The following ARFGAP2 variants were observed in gnomAD, a reference collection of about 807,000 sequenced individuals.
ARFGAP2 encodes the protein ARF GTPase activating protein 2, also known as ADP-ribosylation factor GTPase-activating protein 2.
Under a neutral mutation model 71.9 loss-of-function variants are expected in ARFGAP2, and 45 were observed. That is an observed-to-expected ratio of 0.63 (90% CI 0.49 to 0.80). The LOEUF (loss-of-function observed/expected upper bound fraction) is 0.80. Among genes scored for constraint, ARFGAP2 ranks in the 30% least tolerant of loss-of-function variants. The pLI, the probability that ARFGAP2 is intolerant of heterozygous loss-of-function variation, is 0.00. For missense variants in ARFGAP2, 633 were observed against 673.9 expected (o/e 0.94, Z 0.67); for synonymous variants, 248 against 249.2 (o/e 1.00, Z 0.05).
Position 47,175,018 on chromosome 11 carries a change from A to G in ARFGAP2, c.477T>C (p.Thr159=), listed in dbSNP as rs142873477. The change falls in exon 5 of 16, where the codon ACT becomes ACC. Residue 159 remains threonine (T), a synonymous_variant. Transcript: ENST00000524782. The part of the protein sequence containing the change: ...KKDSDFFTEH[T]QPPAWDAPAT... Reference sequence around the variant, plus strand: ...ACGGTTCCTTGTGGGCACTCACTTGAGTGTGTTCTGTGAAGAAATCAGAGT... The same window carrying G: ...ACGGTTCCTTGTGGGCACTCACTTGGGTGTGTTCTGTGAAGAAATCAGAGT... 2 of 1,614,006 alleles carry G rather than the reference A, an allele frequency of 1.2e-6. No individual in the cohort carries two copies. The highest frequency in any genetic ancestry group is 2.7e-5 in the African/African-American group (2 of 74,892).
At chr11:47,165,836 C>T (rs1952347270) in intron 15 of ARFGAP2, among the ~76,000 whole-genome samples, 2 of 151,988 alleles carry the variant, frequency 1.3e-5, no homozygotes, top group South Asian at 4.1e-4. Context: ...AGCTGCCCTC[C>T]AAGAAAATGC....
chr11:47,172,687 C>A, intron 7 of ARFGAP2: 2 of 1,310,592 alleles, frequency 1.5e-6, no homozygotes, highest in Non-Finnish European at 2.0e-6. Context: ...AGGGGCTGGG[C>A]TCCCCAAGCA....
chr11:47,171,401 T>C, intron 10 of ARFGAP2, 25 bp downstream of exon 10: 2 of 1,612,584 alleles, frequency 1.2e-6, no homozygotes, highest in Non-Finnish European at 1.7e-6. Flanking sequence ...GGCATTTCCC[T>C]GCCACACCCG....
At position 47,171,727 on chromosome 11, in the gene ARFGAP2, T is replaced by C; in HGVS notation, c.746A>G (p.Gln249Arg). 1.2e-6 allele frequency: 2 copies of C among 1,613,976 alleles called. No individual in the cohort carries two copies. The highest frequency in any genetic ancestry group is 1.7e-6 in the Non-Finnish European group (2 of 1,180,050). Residue 249 changes from glutamine (Q) to arginine (R), a missense_variant, in exon 9 of 16, where the codon CAG becomes CGG. Coordinates refer to ENST00000524782, the MANE Select transcript of ARFGAP2 (RefSeq NM_032389.6). ...QSFSEIERQAQVAEKLREQQA... is the reference protein window; with the variant it reads ...QSFSEIERQARVAEKLREQQA... ...CTGCTCACGGAGCTTCTCTGCCACC[T>C]GAGCCTGCCGCTCAATCTCACTGAA... is the stretch of plus-strand genomic sequence containing the variant.
chr11:47,167,546 C>T (rs1952431598), intron 12 of ARFGAP2, among the ~76,000 whole-genome samples: 1 of 152,162 alleles, frequency 6.6e-6, no homozygotes, highest in Non-Finnish European at 1.5e-5. Context: ...CTGAAGCATA[C>T]AATCAGGCTC....
At chr11:47,175,817 G>GA in intron 3 of ARFGAP2, 34 bp downstream of exon 3, 1 of 1,613,330 alleles carries the variant, frequency 6.2e-7, no homozygotes, top group Non-Finnish European at 8.5e-7. Flanking sequence ...CCAGGCAGAA[G>GA]AATGGAAGGT....
chr11:47,167,903 C>T lies in ARFGAP2; in HGVS notation c.1205+6G>A. On this transcript the variant is annotated splice_donor_region_variant and intron_variant, in intron 12 of 15. Coordinates refer to ENST00000524782, the MANE Select transcript of ARFGAP2 (RefSeq NM_032389.6). ...GAAAGAAAAAAGAAAAAACAGCCCA[C>T]TCTACCTTTCTGAAATAGGCCGGAT... is the stretch of plus-strand genomic sequence containing the variant. 1.3e-6 allele frequency: 2 copies of T among 1,595,942 alleles called. No homozygotes were observed. Among genetic ancestry groups the T allele is most frequent in the Non-Finnish European group, 1.7e-6 (2 of 1,171,886 alleles).
At chr11:47,175,407 T>G (rs1164439413) in intron 3 of ARFGAP2, 94 bp from the exon 4 acceptor site, 9 of 1,569,930 alleles carry the variant, frequency 5.7e-6, no homozygotes, top group Admixed American at 1.7e-5. Context: ...GACAGCGAAG[T>G]TATTATCTAT....
At chr11:47,174,641 C>A (rs373211038) in intron 5 of ARFGAP2, 1 of 201,176 alleles carries the variant, frequency 5.0e-6, no homozygotes, top group Middle Eastern at 2.3e-3. Context: ...ATGATCCACC[C>A]GCCTCGGCCT....
chr11:47,172,746 C>G, intron 7 of ARFGAP2: 2 of 1,293,934 alleles, frequency 1.5e-6, no homozygotes, highest in South Asian at 2.5e-5. Flanking sequence ...GACAGATACA[C>G]GGACTCTGGA....
intron 10 of ARFGAP2, 109 bp from the exon 11 acceptor site, chr11:47,168,360 A>C (rs191379480): frequency 7.4e-6 from 11 of 1,478,838 alleles, no homozygotes; most frequent in Admixed American, 1.9e-5. Flanking sequence ...CGTCACCCAG[A>C]GCCTTCTGTC....
chr11:47,172,086 G>A (rs1952623121), intron 8 of ARFGAP2, 195 bp downstream of exon 8: 11 of 733,212 alleles, frequency 1.5e-5, no homozygotes, highest in Non-Finnish European at 2.1e-5. Context: ...CCATCTCACC[G>A]ACTCCTCCCA....
Position 47,175,224 on chromosome 11 carries a change from G to C in ARFGAP2, c.354C>G (p.Ile118Met), listed in dbSNP as rs1352061623. 1 of 1,614,030 alleles carries C rather than the reference G, an allele frequency of 6.2e-7. No homozygotes were observed. Among genetic ancestry groups the C allele is most frequent in the Non-Finnish European group, 8.5e-7 (1 of 1,180,026 alleles). The change falls in exon 4 of 16, where the codon ATC becomes ATG. Residue 118 changes from isoleucine (I) to methionine (M), a missense_variant. Ile to Met is a conservative substitution (Grantham distance 10). Transcript: ENST00000524782. ...CCAGGGCCGCACTCCCCAGCTGCCGGATCTTCTCCCGGTACATCTGGGCAG... is the reference window on the plus strand; with the variant it reads ...CCAGGGCCGCACTCCCCAGCTGCCGCATCTTCTCCCGGTACATCTGGGCAG... Reference protein sequence around the residue: ...SRAAQMYREKIRQLGSAALAR... With the variant: ...SRAAQMYREKMRQLGSAALAR...
chr11:47,176,543 G>C lies in ARFGAP2; in HGVS notation c.164C>G (p.Ser55Cys). 1.2e-6 allele frequency: 2 copies of C among 1,613,824 alleles called. No individual in the cohort carries two copies. Among genetic ancestry groups the C allele is most frequent in the Non-Finnish European group, 1.7e-6 (2 of 1,180,028 alleles). Residue 55 changes from serine to cysteine, a missense_variant, in exon 2 of 16, where the codon TCC becomes TGC. Transcript: ENST00000524782. ...LCIDCSGVHR[S>C]LGVHLSFIRS... ...GATGAAGCTCAGATGGACGCCCAGG[G>C]AGCGGTGCACCCCGGAACAGTCAAT...
Position 47,175,080 on chromosome 11 carries a change from T to A in ARFGAP2, c.415A>T (p.Ser139Cys), listed in dbSNP as rs753203540. The A allele has an allele frequency of 6.2e-7, 1 of 1,614,160 alleles. No homozygotes were observed. The highest frequency in any genetic ancestry group is 1.7e-5 in the Admixed American group (1 of 60,024). Reference protein sequence around the residue: ...HGTDLWIDNMSSAVPNHSPEK... With the variant: ...HGTDLWIDNMCSAVPNHSPEK... Reference sequence around the variant, plus strand: ...GGGGAGTGATTAGGAACGGCACTACTCATGTTGTCTATCCAAAGCTAGAAA... The same window carrying A: ...GGGGAGTGATTAGGAACGGCACTACACATGTTGTCTATCCAAAGCTAGAAA... The change falls in exon 5 of 16, where the codon AGT becomes TGT. Residue 139 changes from serine (S) to cysteine (C), a missense_variant. Ser to Cys is a moderately radical substitution (Grantham distance 112, BLOSUM62 -1). Transcript: ENST00000524782.
Position 47,167,836 on chromosome 11 carries a change from G to A in ARFGAP2, c.1205+73C>T, listed in dbSNP as rs902993133. On this transcript the variant is annotated intron_variant, in intron 12 of 15. Coordinates refer to ENST00000524782, the MANE Select transcript of ARFGAP2 (RefSeq NM_032389.6). ...ACAGAAAGTTCTTCTAGACAGTGCT[G>A]CCTTAGAATTCTCTACCTTCAGCTT... is the stretch of plus-strand genomic sequence containing the variant. The A allele has an allele frequency of 6.7e-6, 10 of 1,484,512 alleles. No homozygotes were observed. In the African/African-American group the frequency reaches 1.1e-4, roughly 17 times the overall value. The allele number at this position is 1,484,512 out of a possible 1,614,324, so 92.0% of individuals were successfully genotyped here. A position where few individuals can be genotyped will look rare whatever the true frequency, so the allele number is the denominator to read the frequency against.
chr11:47,173,642 C>A, intron 6 of ARFGAP2, 117 bp downstream of exon 6: 2 of 1,430,378 alleles, frequency 1.4e-6, no homozygotes, highest in African/African-American at 1.4e-5. Context: ...TGAATCCCGG[C>A]CCACCCAAAG....
intron 7 of ARFGAP2, chr11:47,173,186 C>T (rs958857211): frequency 7.3e-6 from 4 of 545,582 alleles, no homozygotes; most frequent in Non-Finnish European, 1.3e-5. Context: ...CAGCCCCACA[C>T]TCAGAGGCAG....
At chr11:47,175,442 C>G in intron 3 of ARFGAP2, 129 bp from the exon 4 acceptor site, 2 of 1,413,374 alleles carry the variant, frequency 1.4e-6, no homozygotes, top group Non-Finnish European at 2.0e-6. Flanking sequence ...GCTACTGACA[C>G]CGGTTTTTCA....
Sources: gnomAD v4.1 joint callset for allele counts (sites outside exome capture counted in the v4.1 genomes callset) on GRCh38, gnomAD v4.1.1 for gene constraint, MANE v1.5 for transcripts, NCBI Gene and HGNC (gene_info 2026-07-23, HGNC 2026-07-21) for gene names.